Variants in SNUPN observed in about 807,000 individuals in gnomAD.
SNUPN encodes snurportin 1, also known as snurportin-1.
SNUPN carries 31 observed loss-of-function variants against 39.2 expected under a neutral mutation model. The ratio of observed to expected loss-of-function variants is 0.79; its 90% CI spans 0.59 to 1.07. The LOEUF (loss-of-function observed/expected upper bound fraction) is 1.07. SNUPN is among the 50% of genes least tolerant of loss of function. SNUPN has a pLI of 0.00. For synonymous variants in SNUPN, 132 were observed against 159.0 expected (o/e 0.83, Z 1.28); for missense variants, 382 against 434.2 (o/e 0.88, Z 1.07).
intron 7 of SNUPN, among the ~76,000 whole-genome samples, chr15:75,602,302 C>T (rs1057336625): frequency 5.9e-5 from 9 of 151,924 alleles, no homozygotes; most frequent in Admixed American, 1.3e-4. Flanking sequence ...CCGAGAAGGG[C>T]GGATCACGAG....
At chr15:75,602,221 T>A (rs1332984641) in intron 7 of SNUPN, among the ~76,000 whole-genome samples, 1 of 148,094 alleles carries the variant, frequency 6.8e-6, no homozygotes, top group Non-Finnish European at 1.5e-5. Flanking sequence ...AAATAAAAAA[T>A]AAATAAAAAT....
chr15:75,603,100 G>A (rs1440728147), intron 7 of SNUPN, among the ~76,000 whole-genome samples: 1 of 149,298 alleles, frequency 6.7e-6, no homozygotes, highest in Non-Finnish European at 1.5e-5. Context: ...CCAGGCTGGA[G>A]TGCAGTGGCA....
chr15:75,605,020 T>C (rs544257185), intron 7 of SNUPN, 130 bp downstream of exon 7: 2 of 641,642 alleles, frequency 3.1e-6, no homozygotes, highest in African/African-American at 3.7e-5. Context: ...ATCTACATGA[T>C]TGATACTCTT....
intron 7 of SNUPN, among the ~76,000 whole-genome samples, chr15:75,602,132 C>T (rs188293160): frequency 6.6e-6 from 1 of 152,138 alleles, no homozygotes; most frequent in African/African-American, 2.4e-5. Context: ...GACATGAACC[C>T]GGGAGGCGGA....
At chr15:75,613,258 CAAAAAAAAAAAAA>C (rs905447706) in intron 3 of SNUPN, among the ~76,000 whole-genome samples, 1 of 40,614 alleles carries the variant, frequency 2.5e-5, no homozygotes, top group Non-Finnish European at 3.9e-5. Context: ...GACTCCATCT[CAAAAAAAAAAAAA>C]AAAAAAAAAA....
intron 3 of SNUPN, 80 bp from the exon 4 acceptor site, chr15:75,610,074 T>G: frequency 9.5e-7 from 1 of 1,049,388 alleles, no homozygotes; most frequent in Non-Finnish European, 1.5e-6. Context: ...ATTAATATCC[T>G]GTGTGTATAT....
intron 6 of SNUPN, among the ~76,000 whole-genome samples, chr15:75,606,512 A>C (rs1280589360): frequency 6.6e-6 from 1 of 151,910 alleles, no homozygotes; most frequent in Non-Finnish European, 1.5e-5. Context: ...CCCCAAACCC[A>C]CCATTATACA....
intron 1 of SNUPN, among the ~76,000 whole-genome samples, chr15:75,624,120 G>A (rs1338486633): frequency 6.8e-6 from 1 of 147,776 alleles, no homozygotes; most frequent in Non-Finnish European, 1.5e-5. Context: ...GTAGAGACGG[G>A]GTTTCACCGT....
intron 5 of SNUPN, among the ~76,000 whole-genome samples, chr15:75,607,829 G>A (rs1282820156): frequency 1.3e-5 from 2 of 152,152 alleles, no homozygotes; most frequent in African/African-American, 4.8e-5. Flanking sequence ...GGAGCAGCAG[G>A]AAATGCTTCA....
At position 75,609,873 on chromosome 15, in the gene SNUPN, G is replaced by C. The variant is rs376636418; in HGVS notation, c.408+17C>G. 1.6e-5 allele frequency: 26 copies of C among 1,583,436 alleles called. No individual in the cohort carries two copies. Among genetic ancestry groups the C allele is most frequent in the Non-Finnish European group, 2.2e-5 (25 of 1,152,430 alleles). ...ACAGACCAGGCCTACTGGCATAGGGGGCAGGCAGCTACTCACCCTGGAGGC... is the reference window on the plus strand; with the variant it reads ...ACAGACCAGGCCTACTGGCATAGGGCGCAGGCAGCTACTCACCCTGGAGGC... On this transcript the variant is annotated intron_variant, in intron 4 of 8. Transcript: ENST00000308588.
intron 1 of SNUPN, among the ~76,000 whole-genome samples, chr15:75,623,574 A>G (rs543767646): frequency 6.6e-6 from 1 of 151,724 alleles, no homozygotes; most frequent in African/African-American, 2.4e-5. Flanking sequence ...CCTCCTGAGT[A>G]GCTGGGATTA....
chr15:75,619,670 A>T (rs971367998), intron 2 of SNUPN, among the ~76,000 whole-genome samples: 29 of 152,088 alleles, frequency 1.9e-4, no homozygotes, highest in African/African-American at 7.0e-4. Context: ...TACACCAGAA[A>T]CTAATAATAT....
At chr15:75,605,904 G>A (rs1053677657) in intron 6 of SNUPN, among the ~76,000 whole-genome samples, 1 of 152,132 alleles carries the variant, frequency 6.6e-6, no homozygotes, top group African/African-American at 2.4e-5. Context: ...CCAGCACTTC[G>A]GTAGGCCAAA....
chr15:75,624,622 G>A lies in SNUPN; in HGVS notation c.-6+1044C>T. ...CGTAAGGCGGAGCTTGCAGTGAGTC[G>A]AGATCGTGCCACTGCACTCCAGCCT... On this transcript the variant is annotated intron_variant, in intron 1 of 8. Transcript: ENST00000308588. 4 of 653,948 alleles carry A rather than the reference G, an allele frequency of 6.1e-6. 1 individual carries two copies. Among genetic ancestry groups the A allele is most frequent in the Non-Finnish European group, 7.8e-6 (4 of 514,654 alleles). 40.5% of individuals were successfully genotyped at this position (653,948 alleles called of 1,614,324 possible). A position where few individuals can be genotyped will look rare whatever the true frequency, so the allele number is the denominator to read the frequency against.
chr15:75,613,529 G>C (rs1430716575), intron 3 of SNUPN, among the ~76,000 whole-genome samples: 1 of 151,130 alleles, frequency 6.6e-6, no homozygotes, highest in Non-Finnish European at 1.5e-5. Flanking sequence ...TGTAGTCCCA[G>C]CTACTCGGGA....
chr15:75,616,376 T>C (rs1892939229), intron 3 of SNUPN, among the ~76,000 whole-genome samples: 2 of 151,908 alleles, frequency 1.3e-5, no homozygotes, highest in African/African-American at 2.4e-5. Flanking sequence ...GAGAACTGCT[T>C]GAACCCGGGA....
At chr15:75,601,654 A>T (rs1040056851) in intron 7 of SNUPN, among the ~76,000 whole-genome samples, 4 of 152,132 alleles carry the variant, frequency 2.6e-5, no homozygotes, top group Non-Finnish European at 4.4e-5. Context: ...CTGCTGAGGT[A>T]GAAGGATCGC....
intron 7 of SNUPN, among the ~76,000 whole-genome samples, chr15:75,602,101 A>G (rs965920349): frequency 3.9e-5 from 6 of 152,074 alleles, no homozygotes; most frequent in African/African-American, 1.2e-4. Context: ...ACTGATACTC[A>G]GGAGGCTGAA....
chr15:75,600,359 C>T (rs576137587), intron 8 of SNUPN, among the ~76,000 whole-genome samples: 7 of 152,008 alleles, frequency 4.6e-5, no homozygotes, highest in African/African-American at 1.7e-4. Context: ...ACTGCAACCT[C>T]TGCCTCCCAA....
Sources: allele counts gnomAD v4.1 joint callset (sites outside exome capture counted in the v4.1 genomes callset), GRCh38; gene constraint gnomAD v4.1.1; transcripts MANE v1.5; gene names NCBI Gene and HGNC (gene_info 2026-07-23, HGNC 2026-07-21).